RFC3: variants seen among roughly 807,000 people sequenced by gnomAD.
RFC3 encodes replication factor C subunit 3, also known as A1 38 kDa subunit.
Under a neutral mutation model 45.1 loss-of-function variants are expected in RFC3, and 41 were observed. The observed-to-expected ratio is 0.91, with a 90% confidence interval of 0.71 to 1.18. RFC3 has a LOEUF of 1.18. Among genes scored for constraint, RFC3 ranks in the 50% most tolerant of loss-of-function variants. The pLI is 0.00. For missense variants in RFC3, 423 were observed against 428.1 expected, an observed-to-expected ratio of 0.99 and a Z score of 0.10; for synonymous variants, 149 against 144.0, an observed-to-expected ratio of 1.03 and a Z score of -0.25.
Position 33,830,728 on chromosome 13 carries a change from G to C in RFC3, c.583G>C (p.Val195Leu). 2 of 1,602,444 alleles carry C rather than the reference G, an allele frequency of 1.2e-6. No homozygotes were observed. The highest frequency in any genetic ancestry group is 1.7e-6 in the Non-Finnish European group (2 of 1,176,444). ...PAPSIEDICH[V>L]LSTVCKKEGL... Reference sequence around the variant, plus strand: ...TTAATTTTATTTGTAGATTTGCCACGTGTTATCTACTGTGTGTAAGAAGGA... The same window carrying C: ...TTAATTTTATTTGTAGATTTGCCACCTGTTATCTACTGTGTGTAAGAAGGA... The change falls in exon 6 of 9, where the codon GTG (valine) becomes CTG (leucine). Residue 195 changes from valine (V) to leucine (L), a missense_variant. Physicochemically the swap from Val to Leu is conservative, Grantham distance 32 (BLOSUM62 1). Coordinates refer to ENST00000380071, the MANE Select transcript of RFC3 (RefSeq NM_002915.4).
chr13:33,967,645 G>C (rs1041151114), downstream of RFC3, among the ~76,000 whole-genome samples: 26 of 151,400 alleles, frequency 1.7e-4, no homozygotes, highest in African/African-American at 6.3e-4. Flanking sequence ...ACACCACCAC[G>C]CCCAGCTAAT....
intron 4 of RFC3, chr13:33,829,390 C>A: frequency 6.0e-6 from 1 of 167,726 alleles, no homozygotes; most frequent in Non-Finnish European, 1.3e-5. Context: ...TGGGGAAATG[C>A]AGCACAGTAC....
At chr13:33,841,968 C>A (rs775200611), downstream of RFC3, among the ~76,000 whole-genome samples, 10 of 152,058 alleles carry the variant, frequency 6.6e-5, no homozygotes, top group East Asian at 1.9e-4. Context: ...GTTTTAGTTA[C>A]CCATGGTCAA....
intron 8 of RFC3, among the ~76,000 whole-genome samples, chr13:33,960,322 A>T (rs1286575655): frequency 6.6e-6 from 1 of 152,220 alleles, no homozygotes; most frequent in Non-Finnish European, 1.5e-5. Flanking sequence ...GAACAGATAT[A>T]TGGCCTTGGG....
chr13:33,933,092 A>G (rs1230025853), intron 8 of RFC3, among the ~76,000 whole-genome samples: 1 of 152,196 alleles, frequency 6.6e-6, no homozygotes, highest in Admixed American at 6.6e-5. Flanking sequence ...TGGTGATATC[A>G]TAAGAGCTTT....
chr13:33,880,204 C>A (rs2082473777), intron 8 of RFC3, among the ~76,000 whole-genome samples: 1 of 152,086 alleles, frequency 6.6e-6, no homozygotes, highest in Non-Finnish European at 1.5e-5. Flanking sequence ...CACTTCTTAC[C>A]ATATTAAACA....
intron 7 of RFC3, among the ~76,000 whole-genome samples, chr13:33,831,851 T>G (rs536577518): frequency 5.1e-4 from 78 of 152,262 alleles, no homozygotes; most frequent in African/African-American, 1.9e-3. Context: ...ATTGAAGATA[T>G]TATTATTGCC....
chr13:33,934,501 T>C (rs1424720957), intron 8 of RFC3, among the ~76,000 whole-genome samples: 1 of 152,116 alleles, frequency 6.6e-6, no homozygotes, highest in African/African-American at 2.4e-5. Flanking sequence ...CTTGGGTTCC[T>C]ATCTTGTTTC....
At chr13:33,930,541 G>T (rs1350524308) in intron 8 of RFC3, among the ~76,000 whole-genome samples, 1 of 152,102 alleles carries the variant, frequency 6.6e-6, no homozygotes, top group Admixed American at 6.6e-5. Flanking sequence ...CCAGATTGAG[G>T]ATGGGTCTGT....
chr13:33,899,293 G>A (rs886782540), intron 8 of RFC3, among the ~76,000 whole-genome samples: 8 of 145,292 alleles, frequency 5.5e-5, no homozygotes, highest in East Asian at 4.0e-4. Flanking sequence ...AACAAAATAC[G>A]AGCAAACTGA....
intron 7 of RFC3, among the ~76,000 whole-genome samples, chr13:33,833,023 C>T (rs1212753817): frequency 6.6e-6 from 1 of 152,150 alleles, no homozygotes; most frequent in Non-Finnish European, 1.5e-5. Context: ...AAGCGGTGCT[C>T]CTGTTTCCTG....
chr13:33,936,375 A>G (rs2082886370), intron 8 of RFC3, among the ~76,000 whole-genome samples: 1 of 152,102 alleles, frequency 6.6e-6, no homozygotes, highest in African/African-American at 2.4e-5. Flanking sequence ...AGTTATAACC[A>G]TGGATGCTAT....
intron 8 of RFC3, among the ~76,000 whole-genome samples, chr13:33,925,809 A>G (rs201065367): frequency 7.2e-5 from 11 of 151,920 alleles, no homozygotes; most frequent in Non-Finnish European, 1.5e-4. Flanking sequence ...CCCCCGACCA[A>G]CCACCACCAC....
chr13:33,818,448 C>T (rs927221562), intron 1 of RFC3, among the ~76,000 whole-genome samples, 183 bp downstream of exon 1: 4 of 152,260 alleles, frequency 2.6e-5, no homozygotes, highest in Admixed American at 6.5e-5. Context: ...ACAAGAAAAG[C>T]TCCACTGAGA....
intron 8 of RFC3, among the ~76,000 whole-genome samples, chr13:33,948,017 G>A (rs1053093038): frequency 2.6e-5 from 4 of 152,204 alleles, no homozygotes; most frequent in African/African-American, 7.2e-5. Flanking sequence ...GCAGAAATTC[G>A]CATAAGTAAT....
chr13:33,970,359 A>C (rs902802743), downstream of RFC3, among the ~76,000 whole-genome samples: 1 of 152,118 alleles, frequency 6.6e-6, no homozygotes, highest in African/African-American at 2.4e-5. Context: ...GGTCGATTCC[A>C]TGTCTTTGCT....
chr13:33,848,795 T>C (rs2082256998), intron 8 of RFC3: 1 of 152,112 alleles, frequency 6.6e-6, no homozygotes, highest in Non-Finnish European at 1.5e-5. Context: ...TATTTGTGCA[T>C]TTAAAAATCA....
At chr13:33,853,493 A>C (rs763993872) in intron 8 of RFC3, among the ~76,000 whole-genome samples, 1 of 152,186 alleles carries the variant, frequency 6.6e-6, no homozygotes, top group Non-Finnish European at 1.5e-5. Context: ...TGCTCAAGAA[A>C]AGAAAAAACT....
chr13:33,844,444 C>T (rs145939490), intron 8 of RFC3, among the ~76,000 whole-genome samples: 1 of 151,966 alleles, frequency 6.6e-6, no homozygotes, highest in East Asian at 1.9e-4. Context: ...CATTTGTTTT[C>T]TGGTTGTTTT....
Sources: gnomAD v4.1 joint callset for allele counts (sites outside exome capture counted in the v4.1 genomes callset) on GRCh38, gnomAD v4.1.1 for gene constraint, MANE v1.5 for transcripts, NCBI Gene and HGNC (gene_info 2026-07-23, HGNC 2026-07-21) for gene names.